The following SLC38A10 variants were observed in gnomAD, a reference collection of about 807,000 sequenced individuals.
The protein encoded by SLC38A10 is solute carrier family 38 member 10, also known as Sodium-coupled neutral amino acid transporter 10.
SLC38A10 carries 53 observed loss-of-function variants against 81.0 expected under a neutral mutation model. That is an observed-to-expected ratio of 0.65 (90% CI 0.53 to 0.82). The LOEUF is 0.82. SLC38A10 is among the 40% of genes least tolerant of loss of function. The pLI is 0.00. For missense variants in SLC38A10, 1,471 were observed against 1,545.0 expected (o/e 0.95, Z 0.80); for synonymous variants, 665 against 655.3 (o/e 1.01, Z -0.23).
chr17:81,252,820 GCC>G, intron 12 of SLC38A10, 137 bp from the exon 13 acceptor site: 1 of 1,356,532 alleles, frequency 7.4e-7, no homozygotes, highest in Non-Finnish European at 9.8e-7. Flanking sequence ...TCCCCTGCCG[GCC>G]TCCCTGCTGC....
Position 81,289,455 on chromosome 17 carries a change from C to T in SLC38A10, c.217+236G>A, listed in dbSNP as rs1359321418. Among the ~76,000 whole-genome samples, 1 of 152,024 alleles carries T rather than the reference C, an allele frequency of 6.6e-6. No individual in the cohort carries two copies. The highest frequency in any genetic ancestry group is 1.5e-5 in the Non-Finnish European group (1 of 68,014). ...TGGCGTGATCACAGCTCACTGCCAC[C>T]TCAGACTCCTAGGCTCAGGTGATCC... On this transcript the variant is annotated intron_variant, in intron 2 of 15. Coordinates refer to ENST00000374759, the MANE Select transcript of SLC38A10 (RefSeq NM_001037984.3). This position sits in a 1 kb window ranked among gnomAD's most constrained non-coding sequence, Gnocchi z 5.9.
rs1029982714 is a variant in SLC38A10, at chr17:81,283,040, C to T, written c.357+369G>A. On this transcript the variant is annotated intron_variant, in intron 4 of 15. Transcript: ENST00000374759. The surrounding 1 kb of genome is among the most constrained non-coding windows in gnomAD (Gnocchi z 4.7). ...AAGGTCCCTGCAAGAAGTGCTGAGTCCACAGCCCCCAGAAGCTCTGGGTGA... is the reference window on the plus strand; with the variant it reads ...AAGGTCCCTGCAAGAAGTGCTGAGTTCACAGCCCCCAGAAGCTCTGGGTGA... 6.6e-6 allele frequency among the ~76,000 whole-genome samples: 1 copy of T among 152,156 alleles called. No homozygotes were observed. Among genetic ancestry groups the T allele is most frequent in the Non-Finnish European group, 1.5e-5 (1 of 68,032 alleles).
chr17:81,251,881 G>C (rs1000890857), intron 13 of SLC38A10: 15 of 516,102 alleles, frequency 2.9e-5, no homozygotes, highest in Non-Finnish European at 4.5e-5. Flanking sequence ...CTCTTAGACG[G>C]GCACTTAACA....
At chr17:81,269,057 A>T (rs550816981) in intron 10 of SLC38A10, among the ~76,000 whole-genome samples, 1 of 152,358 alleles carries the variant, frequency 6.6e-6, no homozygotes, top group Non-Finnish European at 1.5e-5. Flanking sequence ...ATAAAAGACA[A>T]TTCAACAAGG....
intron 11 of SLC38A10, among the ~76,000 whole-genome samples, chr17:81,255,022 G>A (rs1047181620): frequency 3.3e-5 from 5 of 152,294 alleles, no homozygotes; most frequent in South Asian, 2.1e-4. Context: ...TCCTCAGGCC[G>A]TGAATGACCA....
intron 14 of SLC38A10, 188 bp downstream of exon 14, chr17:81,251,305 C>A (rs1368406128): frequency 6.2e-7 from 1 of 1,612,900 alleles, no homozygotes; most frequent in Non-Finnish European, 8.5e-7. Flanking sequence ...ATAAAAGGTT[C>A]CCAGAAAGCA....
At chr17:81,255,695 G>T (rs1308469922) in intron 11 of SLC38A10, among the ~76,000 whole-genome samples, 1 of 152,198 alleles carries the variant, frequency 6.6e-6, no homozygotes, top group Non-Finnish European at 1.5e-5. Context: ...CCCTCATTTG[G>T]CTTCAAAAAT....
At chr17:81,279,225 C>T (rs1024444804) in intron 6 of SLC38A10, among the ~76,000 whole-genome samples, 22 of 152,214 alleles carry the variant, frequency 1.4e-4, no homozygotes, top group Admixed American at 9.8e-4. Context: ...CAGTGCTGCC[C>T]GGCTGCTTCT....
Position 81,259,713 on chromosome 17 carries a change from C to T in SLC38A10, c.1288+525G>A, listed in dbSNP as rs143682391. Among the ~76,000 whole-genome samples, 1,136 of 152,290 alleles carry T rather than the reference C, an allele frequency of 7.5e-3. 13 individuals are homozygous for T. The highest frequency in any genetic ancestry group is 0.026 in the African/African-American group (1,080 of 41,552). ...GCTGCGGCCGGGACTCTGCCACAGA[C>T]GGAGGGTCGAGGTTACAGGGCGCCA... On this transcript the variant is annotated intron_variant, in intron 11 of 15. Transcript: ENST00000374759.
intron 10 of SLC38A10, among the ~76,000 whole-genome samples, chr17:81,268,997 A>C (rs755740666): frequency 2.6e-5 from 4 of 152,270 alleles, no homozygotes; most frequent in Admixed American, 6.5e-5. Context: ...CTACAAAGCC[A>C]ACTTTAAGGA....
intron 5 of SLC38A10, 130 bp from the exon 6 acceptor site, chr17:81,280,863 A>ACCACCCTGTG: frequency 7.6e-7 from 1 of 1,317,918 alleles, no homozygotes; most frequent in Non-Finnish European, 1.0e-6. Context: ...CCAGCCCCCC[A>ACCACCCTGTG]CCACCCTGTG....
At chr17:81,255,296 C>T (rs1290493280) in intron 11 of SLC38A10, among the ~76,000 whole-genome samples, 8 of 152,266 alleles carry the variant, frequency 5.3e-5, no homozygotes, top group South Asian at 2.1e-4. Context: ...CAGCTGTCTG[C>T]GGGCAATGCA....
rs1019209949 is a variant in SLC38A10 at position 81,277,807 on chromosome 17, G to A, written c.627-674C>T. ...CCTGGGCCTCTGGAAAGGGGTGGGC[G>A]AGACGACAAGGGAGAGGCTGGGGCC... is the stretch of plus-strand genomic sequence containing the variant. On this transcript the variant is annotated intron_variant, in intron 6 of 15. Coordinates refer to ENST00000374759, the MANE Select transcript of SLC38A10 (RefSeq NM_001037984.3). This position sits in a 1 kb window ranked among gnomAD's most constrained non-coding sequence, Gnocchi z 4.5. Among the ~76,000 whole-genome samples the A allele has an allele frequency of 6.6e-6, 1 of 152,228 alleles. No homozygotes were observed. The highest frequency in any genetic ancestry group is 2.1e-4 in the South Asian group (1 of 4,832).
At chr17:81,291,755 T>C (rs2063312391) in intron 1 of SLC38A10, among the ~76,000 whole-genome samples, 1 of 152,066 alleles carries the variant, frequency 6.6e-6, no homozygotes, top group Non-Finnish European at 1.5e-5. Context: ...GAGCTCCCAA[T>C]AGGAGACACC....
intron 1 of SLC38A10, 64 bp downstream of exon 1, chr17:81,294,758 AC>A (rs2063335108): frequency 6.9e-7 from 1 of 1,447,962 alleles, no homozygotes; most frequent in African/African-American, 1.5e-5. Flanking sequence ...AACCAGGACG[AC>A]CCAGCCAGAC....
chr17:81,274,326 A>C (rs1463197142), intron 8 of SLC38A10, among the ~76,000 whole-genome samples: 1 of 152,230 alleles, frequency 6.6e-6, no homozygotes, highest in Non-Finnish European at 1.5e-5. Flanking sequence ...GGAAGTCTGC[A>C]GGAGGCTGTG....
chr17:81,280,223 C>T (rs1175118719), intron 6 of SLC38A10: 6 of 425,008 alleles, frequency 1.4e-5, no homozygotes, highest in East Asian at 7.1e-5. Flanking sequence ...ATCCAGCAGC[C>T]GTCTGAAGTC....
At chr17:81,252,777 C>A (rs2062932128) in intron 12 of SLC38A10, 94 bp from the exon 13 acceptor site, 1 of 1,491,166 alleles carries the variant, frequency 6.7e-7, no homozygotes, top group African/African-American at 1.4e-5. Flanking sequence ...GTTCTGGCTC[C>A]CAACAGTGTG....
chr17:81,285,098 A>T, intron 2 of SLC38A10: 1 of 458,370 alleles, frequency 2.2e-6, no homozygotes, highest in East Asian at 3.5e-5. Context: ...AAACAAAGAC[A>T]GAGCAAGGGA....
Sources: allele counts gnomAD v4.1 joint callset (sites outside exome capture counted in the v4.1 genomes callset), GRCh38; gene constraint gnomAD v4.1.1; non-coding constraint Gnocchi (gnomAD v3.1); transcripts MANE v1.5; gene names NCBI Gene and HGNC (gene_info 2026-07-23, HGNC 2026-07-21).